The following FANCE variants were observed in gnomAD, a reference collection of about 807,000 sequenced individuals.
The protein encoded by FANCE is Fanconi anemia group E protein.
A neutral mutation model predicts 57.8 loss-of-function variants in FANCE; 42 were observed. That is an observed-to-expected ratio of 0.73 (90% confidence interval 0.57 to 0.94). The LOEUF (loss-of-function observed/expected upper bound fraction) is 0.94. Among genes scored for constraint, FANCE ranks in the 40% least tolerant of loss-of-function variants. FANCE has a pLI of 0.00. For missense variants in FANCE, 608 were observed against 661.8 expected, an observed-to-expected ratio of 0.92 and a Z score of 0.89; for synonymous variants, 251 against 286.4, an observed-to-expected ratio of 0.88 and a Z score of 1.25.
At chr6:35,464,732 T>C (rs1415911499) in intron 9 of FANCE, among the ~76,000 whole-genome samples, 1 of 125,586 alleles carries the variant, frequency 8.0e-6, no homozygotes, top group Non-Finnish European at 1.6e-5. Flanking sequence ...GATATTCTTT[T>C]TTTTTTTTTT....
Position 35,466,530 on chromosome 6 carries a change from C to A in FANCE, c.*185C>A, listed in dbSNP as rs1561797043. On this transcript the variant is annotated 3_prime_UTR_variant, in exon 10 of 10. Transcript: ENST00000229769. ...ATTGGCTTCCCAGCCAGCAGGGAGGCTCCTGGGCTAAGGGAGCTCAGCTAT... is the reference window on the plus strand; with the variant it reads ...ATTGGCTTCCCAGCCAGCAGGGAGGATCCTGGGCTAAGGGAGCTCAGCTAT... 4.7e-6 allele frequency: 3 copies of A among 632,162 alleles called. No homozygotes were observed. The highest frequency in any genetic ancestry group is 8.6e-6 in the Non-Finnish European group (3 of 350,522). 39.2% of individuals were successfully genotyped at this position (632,162 alleles called of 1,614,324 possible). A position where few individuals can be genotyped will look rare whatever the true frequency, so the allele number is the denominator to read the frequency against.
At position 35,456,483 on chromosome 6, in the gene FANCE, T is replaced by C. The variant is rs577680176; in HGVS notation, c.855+130T>C. On this transcript the variant is annotated intron_variant, in intron 2 of 9. Coordinates refer to ENST00000229769, the MANE Select transcript of FANCE (RefSeq NM_021922.3). This position sits in a 1 kb window ranked among gnomAD's most constrained non-coding sequence, Gnocchi z 4.3. ...GTTCCTGGAGGAAGAAGGAGGAAGG[T>C]AGGGTTGAGGGAATGTAGCCTCCAC... 1.1e-4 allele frequency: 131 copies of C among 1,236,908 alleles called. No homozygotes were observed. The African/African-American group carries it at 1.5e-3, about 14-fold the overall frequency. 76.6% of individuals were successfully genotyped at this position (1,236,908 alleles called of 1,614,324 possible). A position where few individuals can be genotyped will look rare whatever the true frequency, so the allele number is the denominator to read the frequency against.
At chr6:35,465,462 C>T (rs1767795974) in intron 9 of FANCE, among the ~76,000 whole-genome samples, 1 of 152,216 alleles carries the variant, frequency 6.6e-6, no homozygotes, top group African/African-American at 2.4e-5. Context: ...CAGGCATGAA[C>T]CATGGTGCCC....
rs759413819 is a variant in FANCE at position 35,456,205 on chromosome 6, A to G, written c.707A>G (p.His236Arg). ...EEDHEKERPE[H>R]KSLESLADGG... Reference sequence around the variant, plus strand: ...GATCATGAGAAGGAGAGACCCGAACATAAGTCACTGGAATCCCTGGCAGAT... The same window carrying G: ...GATCATGAGAAGGAGAGACCCGAACGTAAGTCACTGGAATCCCTGGCAGAT... Residue 236 changes from histidine (H) to arginine (R), a missense_variant, in exon 2 of 10, where the codon CAT (histidine) becomes CGT (arginine). Coordinates refer to ENST00000229769, the MANE Select transcript of FANCE (RefSeq NM_021922.3). The surrounding 1 kb of genome is among the most constrained non-coding windows in gnomAD (Gnocchi z 4.3). The G allele has an allele frequency of 8.7e-6, 14 of 1,614,114 alleles. No individual in the cohort carries two copies. The highest frequency in any genetic ancestry group is 1.7e-5 in the Admixed American group (1 of 60,010).
Position 35,452,659 on chromosome 6 carries a change from G to C in FANCE, c.114G>C (p.Glu38Asp). 8.0e-7 allele frequency: 1 copy of C among 1,245,946 alleles called. No individual in the cohort carries two copies. Among genetic ancestry groups the C allele is most frequent in the Non-Finnish European group, 1.0e-6 (1 of 998,494 alleles). 77.2% of individuals were successfully genotyped at this position (1,245,946 alleles called of 1,614,324 possible). A position where few individuals can be genotyped will look rare whatever the true frequency, so the allele number is the denominator to read the frequency against. The change falls in exon 1 of 10, where the codon GAG becomes GAC. Residue 38 changes from glutamate (E) to aspartate (D), a missense_variant. Coordinates refer to ENST00000229769, the MANE Select transcript of FANCE (RefSeq NM_021922.3). ...LLLQALQAGP[E>D]GARRGLGVLR... ...TGCAGGCGCTGCAGGCGGGGCCTGA[G>C]GGGGCGCGGCGCGGCCTGGGGGTGC... is the stretch of plus-strand genomic sequence containing the variant.
At chr6:35,458,193 A>G in intron 4 of FANCE, 104 bp from the exon 5 acceptor site, 1 of 1,498,808 alleles carries the variant, frequency 6.7e-7, no homozygotes, top group Admixed American at 1.7e-5. Context: ...TTTGCCCTGG[A>G]GTATCTTTGC....
In FANCE at chr6:35,452,497, C is replaced by A. The variant is rs1340850566; in HGVS notation, c.-49C>A. 8.1e-7 allele frequency: 1 copy of A among 1,233,652 alleles called. No individual in the cohort carries two copies. Among genetic ancestry groups the A allele is most frequent in the East Asian group, 3.2e-5 (1 of 31,270 alleles). The allele number at this position is 1,233,652 out of a possible 1,614,324, so 76.4% of individuals were successfully genotyped here. ...TCCTCCGTTCCCCTCAGCCTCTGAG[C>A]TGAGGCCCCACACCAGAGTAGGGGG... On this transcript the variant is annotated 5_prime_UTR_variant, in exon 1 of 10. In the 5' UTR this introduces an upstream ATG that the reference lacks. Coordinates refer to ENST00000229769, the MANE Select transcript of FANCE (RefSeq NM_021922.3).
chr6:35,458,940 C>T (rs915635469), intron 5 of FANCE, among the ~76,000 whole-genome samples: 4 of 152,286 alleles, frequency 2.6e-5, no homozygotes, highest in Non-Finnish European at 5.9e-5. Flanking sequence ...ACCGCCACAC[C>T]TGGCTAATTT....
chr6:35,458,519 G>A, intron 5 of FANCE, 79 bp downstream of exon 5: 1 of 1,549,362 alleles, frequency 6.5e-7, no homozygotes, highest in Non-Finnish European at 8.9e-7. Context: ...TGGTACTTGA[G>A]AGAGGGGATT....
At chr6:35,462,176 C>T (rs771158714) in intron 8 of FANCE, among the ~76,000 whole-genome samples, 5 of 151,780 alleles carry the variant, frequency 3.3e-5, no homozygotes, top group Non-Finnish European at 7.4e-5. Context: ...GGCATAATCT[C>T]GGCTCACTGC....
At chr6:35,455,178 T>A (rs1187969479) in intron 1 of FANCE, among the ~76,000 whole-genome samples, 1 of 152,204 alleles carries the variant, frequency 6.6e-6, no homozygotes. Context: ...TAGAGTAGGT[T>A]CCAATATGAA....
rs1767149054 is a variant in FANCE, at chr6:35,452,584, C to T, written c.39C>T (p.Gly13=). ...ACGCGGGGCTCCCTGGGGCTGAGGG[C>T]GTGGAGCCGGCGCCCTGGGCGCAGC... The part of the protein sequence containing the change: ...TPDAGLPGAE[G]VEPAPWAQLE... The change falls in exon 1 of 10, where the codon GGC becomes GGT. Residue 13 remains glycine, a synonymous_variant. Transcript: ENST00000229769. The T allele has an allele frequency of 3.8e-6, 5 of 1,327,650 alleles. No homozygotes were observed. The highest frequency in any genetic ancestry group is 4.8e-6 in the Non-Finnish European group (5 of 1,035,564). 82.2% of individuals were successfully genotyped at this position (1,327,650 alleles called of 1,614,324 possible).
At chr6:35,460,470 G>A in intron 7 of FANCE, 82 bp from the exon 8 acceptor site, 2 of 1,399,288 alleles carry the variant, frequency 1.4e-6, no homozygotes, top group Non-Finnish European at 2.0e-6. Flanking sequence ...GCCTTGCCCT[G>A]CTGTGGGAGT....
chr6:35,463,723 A>G (rs1767688525), intron 9 of FANCE, among the ~76,000 whole-genome samples: 1 of 148,860 alleles, frequency 6.7e-6, no homozygotes, highest in Non-Finnish European at 1.5e-5. Context: ...ATGCAATGGC[A>G]TGATCTCGGC....
chr6:35,455,899 G>T lies in FANCE; in HGVS notation c.401G>T (p.Arg134Leu). Residue 134 changes from arginine to leucine, a missense_variant, in exon 2 of 10, where the codon CGT (arginine) becomes CTT (leucine). Coordinates refer to ENST00000229769, the MANE Select transcript of FANCE (RefSeq NM_021922.3). ...GCCCCTGACCCAGATGCCTGGCTCC[G>T]TGCCCTGGGGGAATTGCTGCGAAGG... ...DLAPDPDAWL[R>L]ALGELLRRDL... 6.2e-7 allele frequency: 1 copy of T among 1,614,132 alleles called. No homozygotes were observed. The highest frequency in any genetic ancestry group is 1.1e-5 in the South Asian group (1 of 91,082).
intron 1 of FANCE, among the ~76,000 whole-genome samples, chr6:35,454,370 T>C (rs1767240028): frequency 6.6e-6 from 1 of 152,204 alleles, no homozygotes; most frequent in African/African-American, 2.4e-5. Context: ...GCCCAGCCCA[T>C]CTTTTAAACT....
intron 7 of FANCE, 124 bp from the exon 8 acceptor site, chr6:35,460,427 CT>C (rs1413349064): frequency 1.1e-6 from 1 of 944,038 alleles, no homozygotes; most frequent in South Asian, 1.3e-5. Flanking sequence ...CTGACTACCC[CT>C]TTGTTGGCTG....
intron 8 of FANCE, among the ~76,000 whole-genome samples, chr6:35,461,000 C>T (rs1767566983): frequency 6.6e-6 from 1 of 152,144 alleles, no homozygotes; most frequent in Admixed American, 6.5e-5. Flanking sequence ...CTCACTGCAA[C>T]CTCTGCCTAC....
chr6:35,464,967 CT>C (rs1767769283), intron 9 of FANCE, among the ~76,000 whole-genome samples: 2 of 151,760 alleles, frequency 1.3e-5, no homozygotes, highest in South Asian at 2.1e-4. Flanking sequence ...ATCTCCTGAC[CT>C]TGTGATCCAC....
Sources: gnomAD v4.1 joint callset for allele counts (sites outside exome capture counted in the v4.1 genomes callset) on GRCh38, gnomAD v4.1.1 for gene constraint, Gnocchi (gnomAD v3.1) non-coding constraint, MANE v1.5 for transcripts, NCBI Gene and HGNC (gene_info 2026-07-23, HGNC 2026-07-21) for gene names.